KLF13: variants seen among roughly 807,000 people sequenced by gnomAD.
KLF13 encodes the protein KLF transcription factor 13, also known as Krueppel-like factor 13.
In KLF13, 8 loss-of-function variants were observed where a neutral mutation model predicts 16.7. The observed-to-expected ratio is 0.48, with a 90% CI of 0.28 to 0.87. The LOEUF is 0.87. Among genes scored for constraint, KLF13 ranks in the 40% least tolerant of loss-of-function variants. The pLI, the probability that KLF13 is intolerant of heterozygous loss-of-function variation, is 0.10. For synonymous variants in KLF13, 245 were observed against 208.4 expected, an observed-to-expected ratio of 1.18 and a Z score of -1.51; for missense variants, 447 against 452.2, an observed-to-expected ratio of 0.99 and a Z score of 0.10.
At chr15:31,383,901 CAAAA>C in intron 1 of KLF13, among the ~76,000 whole-genome samples, 2 of 147,102 alleles carry the variant, frequency 1.4e-5, no homozygotes, top group South Asian at 2.1e-4. Context: ...GACTCCGTCT[CAAAA>C]AATAAATAAA....
At chr15:31,354,322 A>G (rs917609304) in intron 1 of KLF13, among the ~76,000 whole-genome samples, 1 of 152,204 alleles carries the variant, frequency 6.6e-6, no homozygotes, top group Non-Finnish European at 1.5e-5. Flanking sequence ...GCGAGGAGGA[A>G]TGGCCTCCAG....
upstream of KLF13, among the ~76,000 whole-genome samples, chr15:31,389,029 C>A (rs1174648885): frequency 1.3e-5 from 2 of 152,100 alleles, no homozygotes; most frequent in African/African-American, 4.8e-5. Flanking sequence ...GACCATTGAA[C>A]AACATGGGTT....
chr15:31,340,525 G>A (rs2039004465), intron 1 of KLF13, among the ~76,000 whole-genome samples: 2 of 152,186 alleles, frequency 1.3e-5, no homozygotes, highest in African/African-American at 4.8e-5. Context: ...AAACAGTCCT[G>A]CTAACATCAC....
At position 31,327,441 on chromosome 15, in the gene KLF13, G is replaced by A. The variant is rs1179367127; in HGVS notation, c.229G>A (p.Ala77Thr). 1 of 1,241,656 alleles carries A rather than the reference G, an allele frequency of 8.1e-7. No homozygotes were observed. The highest frequency in any genetic ancestry group is 1.6e-5 in the African/African-American group (1 of 62,736). The allele number at this position is 1,241,656 out of a possible 1,614,324, so 76.9% of individuals were successfully genotyped here. Residue 77 changes from alanine (A) to threonine (T), a missense_variant, in exon 1 of 2, where the codon GCG (alanine) becomes ACG (threonine). Ala to Thr is a moderately conservative substitution (Grantham distance 58). This residue lies in a region of KLF13 where 359 missense variants were observed against 282.8 expected (regional missense o/e 1.27). Transcript: ENST00000307145. ...ILADLNQQAP[A>T]PAPAERREGA... Reference sequence around the variant, plus strand: ...AGCGGACCTCAACCAGCAAGCGCCGGCGCCCGCCCCGGCGGAGCGCAGGGA... The same window carrying A: ...AGCGGACCTCAACCAGCAAGCGCCGACGCCCGCCCCGGCGGAGCGCAGGGA...
In KLF13 at chr15:31,374,028, G is replaced by C. The variant is rs1052099109; in HGVS notation, c.*1729G>C. 8 of 152,718 alleles carry C rather than the reference G, an allele frequency of 5.2e-5. No individual in the cohort carries two copies. The highest frequency in any genetic ancestry group is 1.9e-4 in the African/African-American group (8 of 41,420). 9.5% of individuals were successfully genotyped at this position (152,718 alleles called of 1,614,324 possible). ...GGGCTTCCTGGGCCTAGCGTGCCTTGGTTGTGGCCATCCTGCTTCTACTCA... is the reference window on the plus strand; with the variant it reads ...GGGCTTCCTGGGCCTAGCGTGCCTTCGTTGTGGCCATCCTGCTTCTACTCA... On this transcript the variant is annotated 3_prime_UTR_variant, in exon 2 of 2. Coordinates refer to ENST00000307145, the MANE Select transcript of KLF13 (RefSeq NM_015995.4).
At chr15:31,428,968 ATGTGTAG>A (rs1010799283) in intron 1 of KLF13, among the ~76,000 whole-genome samples, 1 of 152,148 alleles carries the variant, frequency 6.6e-6, no homozygotes, top group African/African-American at 2.4e-5. Context: ...TATTCAGACA[ATGTGTAG>A]TTGGCAAGAT....
At chr15:31,333,617 C>T (rs1048262464) in intron 1 of KLF13, among the ~76,000 whole-genome samples, 3 of 151,620 alleles carry the variant, frequency 2.0e-5, no homozygotes, top group Admixed American at 1.3e-4. Flanking sequence ...CTCCCTTTTC[C>T]ATCTCGCCTC....
chr15:31,349,215 C>T lies in KLF13; in HGVS notation c.577+21426C>T, dbSNP rs548823569. On this transcript the variant is annotated intron_variant, in intron 1 of 1. Transcript: ENST00000307145. The stretch of plus-strand genomic sequence containing the variant: ...TTTTTGCCCCTTAACTTTGTAGGGC[C>T]GAAGCCTGTGACTGTCATTCCATCT... Among the ~76,000 whole-genome samples the T allele has an allele frequency of 1.4e-4, 22 of 152,294 alleles. No individual in the cohort carries two copies. The East Asian group carries it at 2.5e-3, about 17-fold the overall frequency.
intron 1 of KLF13, among the ~76,000 whole-genome samples, chr15:31,337,588 T>G (rs996021480): frequency 6.6e-6 from 1 of 152,238 alleles, no homozygotes; most frequent in African/African-American, 2.4e-5. Context: ...CTAAATGGCA[T>G]AGCCTACTGC....
chr15:31,402,194 G>A (rs1286253843), intron 2 of KLF13, among the ~76,000 whole-genome samples: 2 of 152,214 alleles, frequency 1.3e-5, no homozygotes, highest in African/African-American at 2.4e-5. Context: ...ACAGATGCGG[G>A]TTCAGCTCCA....
At chr15:31,365,085 G>C (rs1000532828) in intron 1 of KLF13, among the ~76,000 whole-genome samples, 1 of 152,234 alleles carries the variant, frequency 6.6e-6, no homozygotes, top group Non-Finnish European at 1.5e-5. Flanking sequence ...TTGGGAGCTA[G>C]AAGTGGCCCC....
chr15:31,364,234 C>T (rs1219369408), intron 1 of KLF13, among the ~76,000 whole-genome samples: 6 of 152,284 alleles, frequency 3.9e-5, no homozygotes, highest in African/African-American at 1.4e-4. Context: ...AGCAAAGCAA[C>T]AAGAAAAATG....
At chr15:31,399,528 G>A (rs766713779) in intron 2 of KLF13, among the ~76,000 whole-genome samples, 4 of 152,198 alleles carry the variant, frequency 2.6e-5, no homozygotes, top group Non-Finnish European at 4.4e-5. Flanking sequence ...GTTTCCCAGA[G>A]CCATCCTGCC....
chr15:31,370,037 C>T (rs866857362), intron 1 of KLF13, among the ~76,000 whole-genome samples: 1 of 148,720 alleles, frequency 6.7e-6, no homozygotes, highest in East Asian at 1.9e-4. Flanking sequence ...TTTCCTGTCT[C>T]CTTTTTCTTT....
At chr15:31,412,118 C>G (rs1200799050) in intron 1 of KLF13, among the ~76,000 whole-genome samples, 1 of 152,136 alleles carries the variant, frequency 6.6e-6, no homozygotes, top group Non-Finnish European at 1.5e-5. Context: ...TTCTCCTCTC[C>G]TCAGTGGGAT....
chr15:31,417,231 T>C (rs1203742213), intron 1 of KLF13, among the ~76,000 whole-genome samples: 1 of 152,122 alleles, frequency 6.6e-6, no homozygotes, highest in Non-Finnish European at 1.5e-5. Flanking sequence ...CAGTGGCTCA[T>C]GGCTGTAATC....
chr15:31,425,080 G>T (rs1305721041), intron 1 of KLF13, among the ~76,000 whole-genome samples: 1 of 151,996 alleles, frequency 6.6e-6, no homozygotes, highest in African/African-American at 2.4e-5. Flanking sequence ...GCTTAATCAA[G>T]GAGGTGAAAG....
At chr15:31,382,717 G>A (rs145878495), downstream of KLF13, among the ~76,000 whole-genome samples, 438 of 152,304 alleles carry the variant, frequency 2.9e-3, no homozygotes, top group African/African-American at 9.9e-3. Context: ...GTGAGGTTCA[G>A]ACCTCCCTTC....
chr15:31,394,592 G>A (rs1027602165), intron 2 of KLF13, among the ~76,000 whole-genome samples: 5 of 152,254 alleles, frequency 3.3e-5, no homozygotes, highest in Non-Finnish European at 5.9e-5. Context: ...AAGTCCTGTG[G>A]ATATGGGCAG....
Sources: gnomAD v4.1 joint callset for allele counts (sites outside exome capture counted in the v4.1 genomes callset) on GRCh38, gnomAD v4.1.1 for gene constraint, gnomAD v4.1.1 regional missense constraint, MANE v1.5 for transcripts, NCBI Gene and HGNC (gene_info 2026-07-23, HGNC 2026-07-21) for gene names.